TASP1: variants seen among roughly 807,000 people sequenced by gnomAD.
TASP1 encodes the protein threonine aspartase 1.
Under a neutral mutation model 56.6 loss-of-function variants are expected in TASP1, and 16 were observed. The observed-to-expected ratio is 0.28, with a 90% confidence interval of 0.19 to 0.43. TASP1 has a LOEUF of 0.43. Ranked by LOEUF, TASP1 falls within the 20% of genes least tolerant of loss-of-function variation. TASP1 has a pLI of 1.00. For synonymous variants in TASP1, 179 were observed against 184.2 expected (o/e 0.97, Z 0.23); for missense variants, 393 against 511.6 (o/e 0.77, Z 2.24).
chr20:13,555,153 G>A (rs1216679963), intron 8 of TASP1, among the ~76,000 whole-genome samples: 1 of 152,114 alleles, frequency 6.6e-6, no homozygotes, highest in East Asian at 1.9e-4. Context: ...GGAGACCAAG[G>A]TGGGTGGATC....
intron 7 of TASP1, among the ~76,000 whole-genome samples, chr20:13,563,749 C>T (rs1292928382): frequency 1.3e-5 from 2 of 151,634 alleles, no homozygotes; most frequent in Non-Finnish European, 2.9e-5. Context: ...AAGTGATCCT[C>T]CCGCCTCAGC....
At chr20:13,115,940 G>T in the TASP1 span, among the ~76,000 whole-genome samples, 1 of 152,148 alleles carries the variant, frequency 6.6e-6, no homozygotes. Flanking sequence ...CAGCCAGATG[G>T]CCAGACTGTC....
the TASP1 span, among the ~76,000 whole-genome samples, chr20:13,150,953 T>A: frequency 1.3e-3 from 196 of 152,328 alleles, no homozygotes; most frequent in African/African-American, 4.4e-3. Context: ...TGAGCTCTCA[T>A]AACACCAGAT....
intron 4 of TASP1, among the ~76,000 whole-genome samples, chr20:13,615,816 A>G (rs2048504951): frequency 6.6e-6 from 1 of 152,088 alleles, no homozygotes; most frequent in South Asian, 2.1e-4. Context: ...AATCTTAAAA[A>G]TTATGTAACT....
intron 10 of TASP1, among the ~76,000 whole-genome samples, chr20:13,505,613 T>C (rs58591136): frequency 1.3e-5 from 2 of 151,950 alleles, no homozygotes; most frequent in African/African-American, 4.8e-5. Flanking sequence ...GGTGGAAAAC[T>C]AGAAAATTTG....
intron 4 of TASP1, among the ~76,000 whole-genome samples, chr20:13,597,974 A>C (rs2047807236): frequency 6.6e-6 from 1 of 152,036 alleles, no homozygotes; most frequent in Non-Finnish European, 1.5e-5. Flanking sequence ...CCAACTTACA[A>C]GGGATGTGAA....
At chr20:13,475,855 C>CA (rs1004966632) in intron 11 of TASP1, among the ~76,000 whole-genome samples, 4 of 151,644 alleles carry the variant, frequency 2.6e-5, no homozygotes, top group African/African-American at 9.7e-5. Context: ...GAGATCATGC[C>CA]ATTGCACTCC....
the TASP1 span, among the ~76,000 whole-genome samples, chr20:13,301,209 G>A: frequency 6.7e-6 from 1 of 148,804 alleles, no homozygotes; most frequent in African/African-American, 2.5e-5. Flanking sequence ...TTTTTTTTTT[G>A]AGACAGTCTC....
chr20:13,572,878 A>G (rs2046768854), intron 6 of TASP1, among the ~76,000 whole-genome samples: 1 of 152,126 alleles, frequency 6.6e-6, no homozygotes, highest in Non-Finnish European at 1.5e-5. Flanking sequence ...GACTATAATC[A>G]GTCTAAAATG....
the TASP1 span, among the ~76,000 whole-genome samples, chr20:13,352,265 C>T: frequency 6.6e-6 from 1 of 152,058 alleles, no homozygotes; most frequent in Non-Finnish European, 1.5e-5. Flanking sequence ...GCCTGGACAA[C>T]ATGGCGAAAC....
chr20:13,509,124 A>AGT (rs71334125), intron 10 of TASP1, among the ~76,000 whole-genome samples: 11,473 of 142,750 alleles, frequency 0.08, 484 homozygotes, highest in East Asian at 0.13. Flanking sequence ...GAATGAAGAA[A>AGT]GTGTGTGTGT....
At chr20:13,307,965 T>C in the TASP1 span, among the ~76,000 whole-genome samples, 1 of 152,210 alleles carries the variant, frequency 6.6e-6, no homozygotes, top group Non-Finnish European at 1.5e-5. Flanking sequence ...TCATAGGGCA[T>C]GCACAGCTTT....
chr20:13,501,419 T>C (rs576138907), intron 10 of TASP1, among the ~76,000 whole-genome samples: 19 of 152,144 alleles, frequency 1.2e-4, no homozygotes, highest in African/African-American at 4.6e-4. Context: ...TAACATAATA[T>C]GCCAAGAGCT....
At chr20:13,271,465 T>A in the TASP1 span, among the ~76,000 whole-genome samples, 3 of 152,320 alleles carry the variant, frequency 2.0e-5, no homozygotes, top group Admixed American at 6.5e-5. Context: ...CAAATGTTGA[T>A]CGGATTTGAC....
intron 7 of TASP1, among the ~76,000 whole-genome samples, chr20:13,562,515 A>G (rs889149484): frequency 4.6e-5 from 7 of 151,596 alleles, no homozygotes; most frequent in Non-Finnish European, 8.8e-5. Context: ...ATTAACTAAG[A>G]AAAAAAAAGA....
At chr20:13,425,436 C>G (rs1327579271) in intron 12 of TASP1, among the ~76,000 whole-genome samples, 1 of 152,156 alleles carries the variant, frequency 6.6e-6, no homozygotes, top group Non-Finnish European at 1.5e-5. Flanking sequence ...CAGTCACTCT[C>G]CTCCTCTTTA....
intron 11 of TASP1, among the ~76,000 whole-genome samples, chr20:13,451,336 G>C (rs1362359887): frequency 6.6e-6 from 1 of 152,088 alleles, no homozygotes; most frequent in Non-Finnish European, 1.5e-5. Context: ...CAGAAGCCAA[G>C]GCACTGACTT....
intron 11 of TASP1, among the ~76,000 whole-genome samples, chr20:13,452,988 G>A (rs1356467635): frequency 3.3e-5 from 5 of 152,092 alleles, no homozygotes; most frequent in African/African-American, 1.2e-4. Context: ...TCCCTAACAG[G>A]CAGTGCTGGG....
intron 8 of TASP1, among the ~76,000 whole-genome samples, chr20:13,549,439 T>C (rs191756928): frequency 6.6e-6 from 1 of 151,902 alleles, no homozygotes; most frequent in African/African-American, 2.4e-5. Flanking sequence ...TGTGTGTGTG[T>C]ATGTGTGTGT....
Sources: allele counts gnomAD v4.1 joint callset (sites outside exome capture counted in the v4.1 genomes callset), GRCh38; gene constraint gnomAD v4.1.1; transcripts MANE v1.5; gene names NCBI Gene and HGNC (gene_info 2026-07-23, HGNC 2026-07-21).